The following IL17RB variants were observed in gnomAD, a reference collection of about 807,000 sequenced individuals.
IL17RB encodes interleukin-17 receptor B.
Under a neutral mutation model 43.9 loss-of-function variants are expected in IL17RB, and 36 were observed. The ratio of observed to expected loss-of-function variants is 0.82; its 90% CI spans 0.63 to 1.08. The LOEUF is 1.08. IL17RB is among the 50% of genes least tolerant of loss of function. The pLI, the probability that IL17RB is intolerant of heterozygous loss-of-function variation, is 0.00. For synonymous variants in IL17RB, 225 were observed against 225.4 expected, an observed-to-expected ratio of 1.00 and a Z score of 0.02; for missense variants, 613 against 613.6, an observed-to-expected ratio of 1.00 and a Z score of 0.01.
chr3:53,850,832 C>A (rs1211962007), intron 3 of IL17RB, among the ~76,000 whole-genome samples: 1 of 151,472 alleles, frequency 6.6e-6, no homozygotes, highest in Non-Finnish European at 1.5e-5. Context: ...AAATAAAAGT[C>A]AGGGTAGTGG....
chr3:53,850,959 TG>T (rs1699122490), intron 3 of IL17RB, among the ~76,000 whole-genome samples: 1 of 152,222 alleles, frequency 6.6e-6, no homozygotes, highest in Non-Finnish European at 1.5e-5. Flanking sequence ...CACTTATGTG[TG>T]TACTTTTCTG....
chr3:53,851,492 A>G (rs1279985501), intron 3 of IL17RB, among the ~76,000 whole-genome samples: 1 of 152,160 alleles, frequency 6.6e-6, no homozygotes, highest in Non-Finnish European at 1.5e-5. Flanking sequence ...GCTGTGGTGC[A>G]TGAGTGAGTT....
At chr3:53,856,680 T>C (rs543028832) in intron 6 of IL17RB, among the ~76,000 whole-genome samples, 164 bp from the exon 7 acceptor site, 79 of 152,322 alleles carry the variant, frequency 5.2e-4, no homozygotes, top group African/African-American at 1.9e-3. Flanking sequence ...AGCAAGTACT[T>C]TGAGACTTTG....
intron 10 of IL17RB, chr3:53,861,091 G>A (rs1699546784): frequency 6.6e-6 from 1 of 152,156 alleles, no homozygotes; most frequent in Admixed American, 6.5e-5. Flanking sequence ...AACACCCTGT[G>A]ATGCTAACCA....
Position 53,860,207 on chromosome 3 carries a change from A to T in IL17RB, c.925A>T (p.Ile309Phe). The change falls in exon 10 of 11, where the codon ATC (isoleucine) becomes TTC (phenylalanine). Residue 309 changes from isoleucine to phenylalanine, a missense_variant. Physicochemically the swap from Ile to Phe is conservative, Grantham distance 21. Coordinates refer to ENST00000288167, the MANE Select transcript of IL17RB (RefSeq NM_018725.4). ...LVATWVLVAG[I>F]YLMWRHERIK... ...GGCCACATGGGTGCTGGTGGCAGGG[A>T]TCTATCTAATGTGGAGGCACGGTAA... 1 of 1,613,600 alleles carries T rather than the reference A, an allele frequency of 6.2e-7. No individual in the cohort carries two copies. The highest frequency in any genetic ancestry group is 8.5e-7 in the Non-Finnish European group (1 of 1,179,612).
At chr3:53,859,892 A>G (rs1699495185) in intron 9 of IL17RB, 1 of 392,622 alleles carries the variant, frequency 2.5e-6, no homozygotes, top group East Asian at 4.4e-5. Flanking sequence ...ACATGCCTGT[A>G]ATCCCAGCTA....
chr3:53,851,933 T>G, intron 3 of IL17RB, 66 bp from the exon 4 acceptor site: 1 of 1,528,004 alleles, frequency 6.5e-7, no homozygotes. Context: ...TAGTAAAGCA[T>G]CTAGCATCAA....
At chr3:53,861,706 G>C (rs1315138157) in intron 10 of IL17RB, 1 of 152,214 alleles carries the variant, frequency 6.6e-6, no homozygotes, top group Non-Finnish European at 1.5e-5. Flanking sequence ...CTTAAAAACT[G>C]TCAAGATAAC....
At position 53,860,170 on chromosome 3, in the gene IL17RB, G is replaced by A. The variant is rs778571422; in HGVS notation, c.888G>A (p.Leu296=). 2.5e-6 allele frequency: 4 copies of A among 1,614,144 alleles called. No homozygotes were observed. Among genetic ancestry groups the A allele is most frequent in the South Asian group, 2.2e-5 (2 of 91,086 alleles). ...KPGGWLPLLL[L]SLLVATWVLV... ...GAGGCTGGCTGCCTCTCCTCCTGCT[G>A]TCTCTGCTGGTGGCCACATGGGTGC... The change falls in exon 10 of 11, where the codon CTG becomes CTA. Residue 296 remains leucine (L), a synonymous_variant. Coordinates refer to ENST00000288167, the MANE Select transcript of IL17RB (RefSeq NM_018725.4).
At chr3:53,864,364 G>A (rs28385750) in intron 10 of IL17RB, among the ~76,000 whole-genome samples, 3,448 of 152,194 alleles carry the variant, frequency 0.023, 118 homozygotes, top group East Asian at 0.14. Flanking sequence ...GTGAAACCCC[G>A]TCTCTACTAA....
rs1031211953 is a variant in IL17RB at position 53,865,264 on chromosome 3, G to A, written c.1465G>A (p.Gly489Arg). 6.2e-7 allele frequency: 1 copy of A among 1,611,004 alleles called. No individual in the cohort carries two copies. Among genetic ancestry groups the A allele is most frequent in the Admixed American group, 1.7e-5 (1 of 60,000 alleles). Residue 489 changes from glycine (G) to arginine (R), a missense_variant, in exon 11 of 11, where the codon GGA becomes AGA. Coordinates refer to ENST00000288167, the MANE Select transcript of IL17RB (RefSeq NM_018725.4). ...LLHVKQQVSA[G>R]KRSQACHDGC... ...CCATGTCAAGCAGCAGGTGTCAGCA[G>A]GAAAAAGATCACAAGCCTGCCACGA...
chr3:53,849,702 T>C lies in IL17RB; in HGVS notation c.133T>C (p.Leu45=), dbSNP rs1699063763. 1.2e-6 allele frequency: 2 copies of C among 1,613,008 alleles called. No homozygotes were observed. The highest frequency in any genetic ancestry group is 1.3e-5 in the African/African-American group (1 of 74,846). The part of the protein sequence containing the change: ...MLQHDLIPGD[L]RDLRVEPVTT... The stretch of plus-strand genomic sequence containing the variant: ...ACAACATGATCTAATCCCCGGAGAC[T>C]TGAGGGACCTCCGAGTAGAACCTGT... Residue 45 remains leucine, a synonymous_variant, in exon 3 of 11, where the codon TTG becomes CTG. Coordinates refer to ENST00000288167, the MANE Select transcript of IL17RB (RefSeq NM_018725.4).
chr3:53,865,307 A>G lies in IL17RB; in HGVS notation c.1508A>G (p.Ter503TrpextTer36), dbSNP rs1699748036. ...QACHDGCCSL[*>W] is the part of the protein sequence containing the mutation. ...TGCCACGATGGCTGCTGCTCCTTGT[A>G]GCCCACCCATGAGAAGCAAGAGACC... Residue 503 changes from the stop codon to tryptophan (W), a stop_lost, in exon 11 of 11, where the codon TAG becomes TGG. Coordinates refer to ENST00000288167, the MANE Select transcript of IL17RB (RefSeq NM_018725.4). 1 of 1,600,408 alleles carries G rather than the reference A, an allele frequency of 6.2e-7. No individual in the cohort carries two copies. The highest frequency in any genetic ancestry group is 8.5e-7 in the Non-Finnish European group (1 of 1,177,758).
chr3:53,858,737 A>G lies in IL17RB; in HGVS notation c.766A>G (p.Thr256Ala). 2 of 1,614,046 alleles carry G rather than the reference A, an allele frequency of 1.2e-6. No homozygotes were observed. Among genetic ancestry groups the G allele is most frequent in the Non-Finnish European group, 1.7e-6 (2 of 1,179,996 alleles). The change falls in exon 9 of 11, where the codon ACT (threonine) becomes GCT (alanine). Residue 256 changes from threonine to alanine, a missense_variant. By Grantham distance (58) the Thr-to-Ala change is moderately conservative. Transcript: ENST00000288167. Reference protein sequence around the residue: ...ATVQLTPYFPTCGSDCIRHKG... With the variant: ...ATVQLTPYFPACGSDCIRHKG... ...TCCTCAGCTGACTCCATATTTTCCT[A>G]CTTGTGGCAGCGACTGCATCCGACA... is the stretch of plus-strand genomic sequence containing the variant.
At chr3:53,853,029 T>A in intron 5 of IL17RB, 32 bp downstream of exon 5, 3 of 1,613,348 alleles carry the variant, frequency 1.9e-6, no homozygotes, top group Non-Finnish European at 2.5e-6. Flanking sequence ...TTATTCTTTG[T>A]CTTGCTGGGA....
chr3:53,852,788 A>G (rs1299723798), intron 4 of IL17RB, 83 bp from the exon 5 acceptor site: 2 of 1,367,186 alleles, frequency 1.5e-6, no homozygotes, highest in East Asian at 2.3e-5. Context: ...ATGAAATACA[A>G]ACTAAAAGGG....
intron 3 of IL17RB, among the ~76,000 whole-genome samples, chr3:53,851,024 C>T (rs1201157966): frequency 1.3e-5 from 2 of 152,108 alleles, no homozygotes; most frequent in Admixed American, 6.5e-5. Flanking sequence ...TTTTCCCCAC[C>T]CCACTTCAGT....
rs746986147 is a variant in IL17RB at position 53,864,954 on chromosome 3, AAAG to A, written c.1159_1161del (p.Lys387del). 1.2e-6 allele frequency: 2 copies of A among 1,614,190 alleles called. No homozygotes were observed. The highest frequency in any genetic ancestry group is 1.1e-5 in the South Asian group (1 of 91,078). On this transcript the variant is annotated inframe_deletion, in exon 11 of 11. Coordinates refer to ENST00000288167, the MANE Select transcript of IL17RB (RefSeq NM_018725.4). ...GTCCAGTGCAGTGGCTTGCCACTCAAAAGAAGGCAGCAGACAAAGTCGTCTTCC... is the reference window on the plus strand; with the variant it reads ...GTCCAGTGCAGTGGCTTGCCACTCAAAAGGCAGCAGACAAAGTCGTCTTCC...
chr3:53,855,342 G>T lies in IL17RB; in HGVS notation c.529+1G>T, dbSNP rs1699295137. 1 of 1,593,380 alleles carries T rather than the reference G, an allele frequency of 6.3e-7. No homozygotes were observed. The highest frequency in any genetic ancestry group is 8.6e-7 in the Non-Finnish European group (1 of 1,162,262). On this transcript the variant is annotated splice_donor_variant, in intron 6 of 10. Coordinates refer to ENST00000288167, the MANE Select transcript of IL17RB (RefSeq NM_018725.4). LOFTEE classifies it high-confidence loss of function. ...TATAAAAAAAAGTGTGTCAAGGCCG[G>T]TAAGTAAATACGGCATTTGCTTTTA...
Sources: allele counts gnomAD v4.1 joint callset (sites outside exome capture counted in the v4.1 genomes callset), GRCh38; gene constraint gnomAD v4.1.1; transcripts MANE v1.5; gene names NCBI Gene and HGNC (gene_info 2026-07-23, HGNC 2026-07-21).